The following CTIF variants were observed in gnomAD, a reference collection of about 807,000 sequenced individuals.
The protein encoded by CTIF is CBP80/20-dependent translation initiation factor.
A neutral mutation model predicts 66.0 loss-of-function variants in CTIF; 21 were observed. That is an observed-to-expected ratio of 0.32 (90% CI 0.23 to 0.46). The LOEUF (loss-of-function observed/expected upper bound fraction) is 0.46. CTIF is among the 20% of genes least tolerant of loss of function. CTIF has a pLI of 1.00. For missense variants in CTIF, 739 were observed against 812.7 expected, an observed-to-expected ratio of 0.91 and a Z score of 1.10; for synonymous variants, 345 against 326.4, an observed-to-expected ratio of 1.06 and a Z score of -0.62.
intron 10 of CTIF, among the ~76,000 whole-genome samples, chr18:48,832,997 C>G (rs1365537228): frequency 6.6e-6 from 1 of 152,140 alleles, no homozygotes; most frequent in Non-Finnish European, 1.5e-5. Flanking sequence ...GGACCAAGCT[C>G]TACTTTTTTT....
At chr18:48,723,248 G>A (rs921064059) in intron 7 of CTIF, among the ~76,000 whole-genome samples, 20 of 152,032 alleles carry the variant, frequency 1.3e-4, no homozygotes, top group Middle Eastern at 6.3e-3. Flanking sequence ...TCACATGCAC[G>A]GGGAGCTAAA....
chr18:48,777,281 T>G (rs1030486123), intron 9 of CTIF, among the ~76,000 whole-genome samples: 1 of 152,186 alleles, frequency 6.6e-6, no homozygotes, highest in Non-Finnish European at 1.5e-5. Flanking sequence ...GGCCAGCCCT[T>G]CCTGCCTGCG....
intron 7 of CTIF, among the ~76,000 whole-genome samples, chr18:48,743,240 G>A (rs778521763): frequency 5.3e-5 from 8 of 152,174 alleles, no homozygotes; most frequent in Non-Finnish European, 1.2e-4. Context: ...GGCAGACAGA[G>A]CCCAACACCC....
intron 7 of CTIF, among the ~76,000 whole-genome samples, chr18:48,727,125 G>A (rs990299319): frequency 6.6e-6 from 1 of 151,330 alleles, no homozygotes; most frequent in African/African-American, 2.4e-5. Flanking sequence ...ATACAATTGT[G>A]GGACAGGCAT....
chr18:48,826,227 T>G (rs2068579690), intron 10 of CTIF: 1 of 152,198 alleles, frequency 6.6e-6, no homozygotes, highest in South Asian at 2.1e-4. Context: ...CAGGGAACTG[T>G]CAGTTTGTGT....
At chr18:48,788,838 A>G (rs943939868) in intron 9 of CTIF, among the ~76,000 whole-genome samples, 1 of 152,216 alleles carries the variant, frequency 6.6e-6, no homozygotes, top group African/African-American at 2.4e-5. Flanking sequence ...TCACCGGCCC[A>G]GAGGTGTAGG....
chr18:48,626,666 T>TG (rs1427447221), intron 2 of CTIF, among the ~76,000 whole-genome samples: 5 of 150,534 alleles, frequency 3.3e-5, no homozygotes, highest in African/African-American at 1.2e-4. Flanking sequence ...GTTTTTTTTT[T>TG]TTTTTTGAGA....
intron 7 of CTIF, among the ~76,000 whole-genome samples, chr18:48,728,072 C>T (rs1472306310): frequency 6.6e-6 from 1 of 152,176 alleles, no homozygotes; most frequent in Non-Finnish European, 1.5e-5. Flanking sequence ...TTAGATAATG[C>T]AAGTCATTAA....
chr18:48,648,687 G>A (rs893153022), intron 3 of CTIF, among the ~76,000 whole-genome samples: 6 of 152,202 alleles, frequency 3.9e-5, no homozygotes, highest in African/African-American at 1.4e-4. Context: ...TTTTGGCCCA[G>A]GAGATGAGTC....
At chr18:48,558,288 A>G (rs916409153) in intron 1 of CTIF, among the ~76,000 whole-genome samples, 2 of 152,258 alleles carry the variant, frequency 1.3e-5, no homozygotes, top group Non-Finnish European at 2.9e-5. Context: ...TCACAAGTGA[A>G]GGGAGTATTC....
chr18:48,737,066 G>A (rs1274389287), intron 7 of CTIF, among the ~76,000 whole-genome samples: 1 of 152,116 alleles, frequency 6.6e-6, no homozygotes, highest in Non-Finnish European at 1.5e-5. Context: ...GTGCCCCACT[G>A]CTGTGCAGAG....
chr18:48,794,983 C>G (rs2067881493), intron 9 of CTIF, among the ~76,000 whole-genome samples: 1 of 152,062 alleles, frequency 6.6e-6, no homozygotes, highest in Non-Finnish European at 1.5e-5. Context: ...ACTATAGACT[C>G]CACATTAGCT....
At chr18:48,838,331 G>A (rs532543195) in intron 10 of CTIF, among the ~76,000 whole-genome samples, 3 of 152,052 alleles carry the variant, frequency 2.0e-5, no homozygotes, top group Admixed American at 6.5e-5. Context: ...AGGCAGGTGC[G>A]CTGCCTTCCC....
At chr18:48,619,798 C>A (rs1259559138) in intron 2 of CTIF, 53 bp downstream of exon 2, 3 of 1,433,296 alleles carry the variant, frequency 2.1e-6, no homozygotes, top group African/African-American at 2.9e-5. Context: ...GGGGGTGATG[C>A]AGGAGCCCCT....
At chr18:48,612,248 G>C (rs1020364091) in intron 1 of CTIF, among the ~76,000 whole-genome samples, 1 of 152,232 alleles carries the variant, frequency 6.6e-6, no homozygotes, top group Admixed American at 6.5e-5. Context: ...TGGGGCTGGA[G>C]GGACGCGGTT....
intron 6 of CTIF, among the ~76,000 whole-genome samples, chr18:48,710,243 C>A (rs936516346): frequency 3.9e-5 from 6 of 152,238 alleles, no homozygotes; most frequent in Admixed American, 2.6e-4. Context: ...GGGCCTTGGG[C>A]TCCCTGCCTG....
chr18:48,547,583 G>T (rs1217905047), intron 1 of CTIF, among the ~76,000 whole-genome samples: 1 of 152,194 alleles, frequency 6.6e-6, no homozygotes, highest in African/African-American at 2.4e-5. Flanking sequence ...TTATGTTATA[G>T]CTGGAAAGGC....
intron 6 of CTIF, among the ~76,000 whole-genome samples, chr18:48,691,172 G>T (rs776830489): frequency 6.6e-6 from 1 of 152,176 alleles, no homozygotes; most frequent in Non-Finnish European, 1.5e-5. Flanking sequence ...CCACTCTGCC[G>T]GCATTGTTTC....
intron 7 of CTIF, among the ~76,000 whole-genome samples, chr18:48,737,426 A>G (rs1174891013): frequency 1.3e-5 from 2 of 152,248 alleles, no homozygotes; most frequent in African/African-American, 4.8e-5. Flanking sequence ...TTCTCTTGCA[A>G]GCTGCTGCAC....
Sources: allele counts gnomAD v4.1 joint callset (sites outside exome capture counted in the v4.1 genomes callset), GRCh38; gene constraint gnomAD v4.1.1; transcripts MANE v1.5; gene names NCBI Gene and HGNC (gene_info 2026-07-23, HGNC 2026-07-21).